ADD2: variants seen among roughly 807,000 people sequenced by gnomAD.
ADD2 encodes beta-adducin.
In ADD2, 23 loss-of-function variants were observed where a neutral mutation model predicts 83.0. The ratio of observed to expected loss-of-function variants is 0.28; its 90% confidence interval spans 0.20 to 0.39. ADD2 has a LOEUF of 0.39. Among genes scored for constraint, ADD2 ranks in the 10% least tolerant of loss-of-function variants. The pLI, the probability that ADD2 is intolerant of heterozygous loss-of-function variation, is 1.00. For synonymous variants in ADD2, 375 were observed against 375.4 expected (o/e 1.00, Z 0.01); for missense variants, 758 against 944.9 (o/e 0.80, Z 2.59).
At position 70,663,075 on chromosome 2, in the gene ADD2, T is replaced by A. The variant is rs1675599046; in HGVS notation, c.*350A>T. 1 of 222,776 alleles carries A rather than the reference T, an allele frequency of 4.5e-6. No individual in the cohort carries two copies. The highest frequency in any genetic ancestry group is 2.3e-5 in the African/African-American group (1 of 43,794). 13.8% of individuals were successfully genotyped at this position (222,776 alleles called of 1,614,324 possible). On this transcript the variant is annotated 3_prime_UTR_variant, in exon 16 of 16. Coordinates refer to ENST00000264436, the MANE Select transcript of ADD2 (RefSeq NM_001617.4). The stretch of plus-strand genomic sequence containing the variant: ...TGAGCCTGTGAGAGCTCACGGCCCA[T>A]TTCTGGCCTTCTTGCCCTAGGCTCA...
chr2:70,691,016 A>G (rs539784982), intron 7 of ADD2, 87 bp from the exon 8 acceptor site: 4 of 1,468,698 alleles, frequency 2.7e-6, no homozygotes, highest in African/African-American at 1.4e-5. Flanking sequence ...TCTGGGGGCC[A>G]GTGAGGGGTG....
intron 1 of ADD2, 49 bp from the exon 2 acceptor site, chr2:70,713,233 C>T: frequency 3.9e-6 from 3 of 762,616 alleles, no homozygotes; most frequent in Non-Finnish European, 4.8e-6. Flanking sequence ...CACCATGACT[C>T]TTCACCTGAT....
intron 9 of ADD2, among the ~76,000 whole-genome samples, chr2:70,684,710 T>C (rs1417656515): frequency 1.3e-5 from 2 of 152,210 alleles, no homozygotes; most frequent in Non-Finnish European, 2.9e-5. Context: ...AGGAGACAGA[T>C]AAAATGCTTG....
rs1675510606 is a variant in ADD2 at position 70,768,173 on chromosome 2, T to A, written c.-441A>T. ...GCCCTGCCGTCAGAATTAAAGCCAT[T>A]TCCCGCACGAGGCTGGGAGGAAATG... On this transcript the variant is annotated 5_prime_UTR_variant, in exon 1 of 16. Transcript: ENST00000264436. The A allele has an allele frequency of 1.7e-6, 1 of 591,614 alleles. No homozygotes were observed. Among genetic ancestry groups the A allele is most frequent in the South Asian group, 2.1e-5 (1 of 48,560 alleles). 36.6% of individuals were successfully genotyped at this position (591,614 alleles called of 1,614,324 possible). A position where few individuals can be genotyped will look rare whatever the true frequency, so the allele number is the denominator to read the frequency against.
In ADD2 at chr2:70,696,416, C is replaced by G. The variant is rs150626277; in HGVS notation, c.323-20G>C. On this transcript the variant is annotated intron_variant, in intron 4 of 15. Coordinates refer to ENST00000264436, the MANE Select transcript of ADD2 (RefSeq NM_001617.4). ...AGACATCTGCAGGGACAGTGCAGTTCTCTCAGGGCCAGGGCCCATCTGCCC... is the reference window on the plus strand; with the variant it reads ...AGACATCTGCAGGGACAGTGCAGTTGTCTCAGGGCCAGGGCCCATCTGCCC... 58 of 1,613,844 alleles carry G rather than the reference C, an allele frequency of 3.6e-5. No homozygotes were observed. The African/African-American group carries it at 7.1e-4, about 20-fold the overall frequency.
rs1332144468 is a variant in ADD2 at position 70,754,178 on chromosome 2, A to G, written c.-154+13708T>C. 7.2e-5 allele frequency among the ~76,000 whole-genome samples: 11 copies of G among 152,208 alleles called. 1 individual carries two copies. Among genetic ancestry groups the G allele is most frequent in the Non-Finnish European group, 1.6e-4 (11 of 68,028 alleles). On this transcript the variant is annotated intron_variant, in intron 1 of 15. Transcript: ENST00000264436. ...AGTGCTTTGGTAAACAACACCAAGT[A>G]CTGTTAATTGCCTTTAACTGAGTTT...
Position 70,747,007 on chromosome 2 carries a change from A to ATTTTT in ADD2, c.-154+20874_-154+20878dup, listed in dbSNP as rs34113265. Among the ~76,000 whole-genome samples the ATTTTT allele has an allele frequency of 1.4e-3, 165 of 121,178 alleles. 2 individuals are homozygous for ATTTTT. The highest frequency in any genetic ancestry group is 1.5e-3 in the Non-Finnish European group (92 of 60,452). 79.5% of individuals were successfully genotyped at this position (121,178 alleles called of 152,430 possible). A position where few individuals can be genotyped will look rare whatever the true frequency, so the allele number is the denominator to read the frequency against. ...TCCAGGAGCTAACAGTCCAATATGG[A>ATTTTT]TTTTTTTTTTTTTTTTTTTTGAGAC... On this transcript the variant is annotated intron_variant, in intron 1 of 15. Transcript: ENST00000264436.
intron 1 of ADD2, among the ~76,000 whole-genome samples, chr2:70,738,054 C>T (rs1673679354): frequency 6.6e-6 from 1 of 152,156 alleles, no homozygotes; most frequent in South Asian, 2.1e-4. Flanking sequence ...GATTTCAAAG[C>T]CCAGTACACC....
intron 1 of ADD2, among the ~76,000 whole-genome samples, chr2:70,713,818 C>A (rs1276416134): frequency 1.3e-5 from 2 of 151,966 alleles, no homozygotes; most frequent in African/African-American, 4.8e-5. Context: ...GGGAGGATCT[C>A]CCTTCCTGAG....
intron 14 of ADD2, among the ~76,000 whole-genome samples, chr2:70,674,042 T>C (rs980782329): frequency 1.3e-5 from 2 of 152,000 alleles, no homozygotes; most frequent in African/African-American, 4.8e-5. Context: ...AGACCCCAAG[T>C]GGTCAGGAAG....
At chr2:70,733,492 C>A in intron 1 of ADD2, among the ~76,000 whole-genome samples, 1 of 152,202 alleles carries the variant, frequency 6.6e-6, no homozygotes, top group South Asian at 2.1e-4. Context: ...CAGGTTTGAG[C>A]CAACATCAGC....
At chr2:70,703,216 GAGAA>G (rs1321820191) in intron 4 of ADD2, among the ~76,000 whole-genome samples, 4 of 151,842 alleles carry the variant, frequency 2.6e-5, no homozygotes, top group Non-Finnish European at 4.4e-5. Context: ...ACGAAAGAAA[GAGAA>G]AGAGAGAAAG....
At chr2:70,730,708 G>A (rs1215079857) in intron 1 of ADD2, among the ~76,000 whole-genome samples, 2 of 152,186 alleles carry the variant, frequency 1.3e-5, no homozygotes, top group South Asian at 2.1e-4. Context: ...GCATGATTTG[G>A]TCAATGACAG....
chr2:70,704,263 T>TGGCCCCCCCCCCCCCCCCCCCCCCCAC, intron 4 of ADD2, 58 bp downstream of exon 4: 2 of 913,236 alleles, frequency 2.2e-6, no homozygotes, highest in Non-Finnish European at 3.4e-6. Flanking sequence ...CTCCCTCTCT[T>TGGCCCCCCCCCCCCCCCCCCCCCCCAC]CCCCACCCCA....
At position 70,696,239 on chromosome 2, in the gene ADD2, G is replaced by C. The variant is rs917621151; in HGVS notation, c.474+6C>G. On this transcript the variant is annotated splice_donor_region_variant and intron_variant, in intron 5 of 15. Coordinates refer to ENST00000264436, the MANE Select transcript of ADD2 (RefSeq NM_001617.4). ...GCCCCACCCAATTCCAGGGCGTTCT[G>C]CTCACCGTGACATAGGTGTCACTCA... 2 of 1,610,338 alleles carry C rather than the reference G, an allele frequency of 1.2e-6. No homozygotes were observed. Among genetic ancestry groups the C allele is most frequent in the African/African-American group, 2.7e-5 (2 of 74,856 alleles).
chr2:70,674,880 A>C, intron 13 of ADD2, 55 bp from the exon 14 acceptor site: 3 of 1,571,442 alleles, frequency 1.9e-6, no homozygotes, highest in Non-Finnish European at 2.6e-6. Context: ...GTTGGGGTGC[A>C]GGCCCCAGCT....
chr2:70,688,154 T>G (rs1316053464), intron 8 of ADD2, 32 bp from the exon 9 acceptor site: 5 of 1,572,466 alleles, frequency 3.2e-6, no homozygotes, highest in African/African-American at 1.4e-5. Context: ...ATTAAAACCT[T>G]AAGTCCTCTA....
intron 1 of ADD2, among the ~76,000 whole-genome samples, chr2:70,738,139 T>C (rs1463966202): frequency 2.6e-5 from 4 of 152,276 alleles, no homozygotes; most frequent in Middle Eastern, 3.4e-3. Context: ...GACATATCTA[T>C]AAACAAAACA....
At chr2:70,732,771 G>T (rs1673352227) in intron 1 of ADD2, among the ~76,000 whole-genome samples, 1 of 152,186 alleles carries the variant, frequency 6.6e-6, no homozygotes, top group South Asian at 2.1e-4. Flanking sequence ...TCTTTCCTTT[G>T]GGGAGATGAA....
Sources: gnomAD v4.1 joint callset for allele counts (sites outside exome capture counted in the v4.1 genomes callset) on GRCh38, gnomAD v4.1.1 for gene constraint, MANE v1.5 for transcripts, NCBI Gene and HGNC (gene_info 2026-07-23, HGNC 2026-07-21) for gene names.